Variants in NCALD observed in about 807,000 individuals in gnomAD.
The protein encoded by NCALD is neurocalcin-delta.
NCALD carries 10 observed loss-of-function variants against 18.6 expected under a neutral mutation model. The ratio of observed to expected loss-of-function variants is 0.54; its 90% CI spans 0.33 to 0.91. The LOEUF (loss-of-function observed/expected upper bound fraction) is 0.91. Ranked by LOEUF, NCALD falls within the 40% of genes least tolerant of loss-of-function variation. NCALD has a pLI of 0.03. For synonymous variants in NCALD, 88 were observed against 87.4 expected, an observed-to-expected ratio of 1.01 and a Z score of -0.04; for missense variants, 184 against 247.6, an observed-to-expected ratio of 0.74 and a Z score of 1.72.
At position 101,790,843 on chromosome 8, in the gene NCALD, TATAAAGCA is replaced by T. The variant is rs1812417399; in HGVS notation, c.-20+11_-20+18del. ...GCTATAAAAACATCTAACTATTGTATATAAAGCAAACTAATTACCTCACTCAGAAGAAG... is the reference window on the plus strand; with the variant it reads ...GCTATAAAAACATCTAACTATTGTATAACTAATTACCTCACTCAGAAGAAG... On this transcript the variant is annotated intron_variant, in intron 1 of 3. Transcript: ENST00000220931. 1 of 152,210 alleles carries T rather than the reference TATAAAGCA, an allele frequency of 6.6e-6. No homozygotes were observed. Among genetic ancestry groups the T allele is most frequent in the Non-Finnish European group, 1.5e-5 (1 of 68,042 alleles). The allele number at this position is 152,210 out of a possible 1,614,324, so 9.4% of individuals were successfully genotyped here. A position where few individuals can be genotyped will look rare whatever the true frequency, so the allele number is the denominator to read the frequency against.
chr8:101,823,943 G>A (rs896561071), intron 4 of NCALD, among the ~76,000 whole-genome samples: 1 of 152,158 alleles, frequency 6.6e-6, no homozygotes, highest in East Asian at 1.9e-4. Context: ...TGACCTACAT[G>A]GGGACAGTTA....
chr8:101,740,598 A>G (rs1246384632), intron 1 of NCALD, among the ~76,000 whole-genome samples: 2 of 152,238 alleles, frequency 1.3e-5, no homozygotes, highest in African/African-American at 4.8e-5. Flanking sequence ...GCTATTTACT[A>G]TCTGGTTACT....
At chr8:101,912,537 G>C (rs1160765875) in intron 3 of NCALD, among the ~76,000 whole-genome samples, 1 of 152,222 alleles carries the variant, frequency 6.6e-6, no homozygotes, top group Non-Finnish European at 1.5e-5. Context: ...GTATTTAGGA[G>C]TATTTTTTAA....
intron 1 of NCALD, among the ~76,000 whole-genome samples, chr8:101,723,824 C>A (rs1171107111): frequency 2.6e-5 from 4 of 152,088 alleles, no homozygotes; most frequent in Non-Finnish European, 4.4e-5. Flanking sequence ...ATCTTAGGGG[C>A]CTTACCATAT....
intron 1 of NCALD, among the ~76,000 whole-genome samples, chr8:102,037,671 A>G (rs1396787065): frequency 2.0e-5 from 3 of 151,954 alleles, no homozygotes; most frequent in Non-Finnish European, 4.4e-5. Context: ...CATATATTAC[A>G]CTTACAATAA....
chr8:102,071,856 C>G (rs992178795), intron 1 of NCALD, among the ~76,000 whole-genome samples: 2 of 152,066 alleles, frequency 1.3e-5, no homozygotes, highest in African/African-American at 4.8e-5. Context: ...ACATAAATGG[C>G]AAGATATACA....
At chr8:102,066,870 T>C (rs1001268090) in intron 1 of NCALD, among the ~76,000 whole-genome samples, 6 of 152,196 alleles carry the variant, frequency 3.9e-5, no homozygotes, top group Admixed American at 2.6e-4. Flanking sequence ...TGGCCTGACG[T>C]TGTCCTTGAT....
At chr8:102,063,307 C>T (rs1465757012) in intron 1 of NCALD, among the ~76,000 whole-genome samples, 1 of 152,162 alleles carries the variant, frequency 6.6e-6, no homozygotes, top group Non-Finnish European at 1.5e-5. Context: ...CTAAAAACAG[C>T]ACTCTGTGAT....
chr8:101,938,234 A>G (rs898486168), intron 2 of NCALD, among the ~76,000 whole-genome samples: 1 of 152,242 alleles, frequency 6.6e-6, no homozygotes, highest in Non-Finnish European at 1.5e-5. Flanking sequence ...GGTTGTAATG[A>G]TAAATCACCA....
chr8:101,835,309 C>G (rs905546745), intron 4 of NCALD, among the ~76,000 whole-genome samples: 26 of 152,350 alleles, frequency 1.7e-4, no homozygotes, highest in Middle Eastern at 3.4e-3. Flanking sequence ...TAGTTCTCAA[C>G]CAGGGGTCAT....
intron 2 of NCALD, among the ~76,000 whole-genome samples, chr8:101,981,102 T>A (rs1199917271): frequency 6.6e-6 from 1 of 152,260 alleles, no homozygotes; most frequent in Non-Finnish European, 1.5e-5. Context: ...TCATGGGTTT[T>A]ATCTCTGCAA....
intron 3 of NCALD, among the ~76,000 whole-genome samples, chr8:101,897,421 A>T (rs1342777144): frequency 1.6e-4 from 24 of 147,736 alleles, no homozygotes; most frequent in African/African-American, 4.8e-4. Flanking sequence ...ATGCTAGATG[A>T]CGAGTTAGTG....
chr8:101,766,343 A>T (rs2130866077), intron 1 of NCALD, among the ~76,000 whole-genome samples: 1 of 142,186 alleles, frequency 7.0e-6, no homozygotes, highest in African/African-American at 2.7e-5. Context: ...CATTGAAAAC[A>T]AATTCGCCAG....
intron 1 of NCALD, among the ~76,000 whole-genome samples, chr8:102,081,559 A>C (rs1327395379): frequency 1.2e-4 from 15 of 121,944 alleles, no homozygotes; most frequent in South Asian, 8.9e-4. Flanking sequence ...AAAAAAAAAA[A>C]AAAAAAAAAA....
chr8:101,946,172 T>G (rs1000119674), intron 2 of NCALD, among the ~76,000 whole-genome samples: 36 of 152,304 alleles, frequency 2.4e-4, no homozygotes, highest in Admixed American at 2.3e-3. Flanking sequence ...CATGAATTTT[T>G]GGGGGTCTTA....
At chr8:101,935,376 GTTGAGT>G (rs1314284464) in intron 2 of NCALD, among the ~76,000 whole-genome samples, 1 of 152,184 alleles carries the variant, frequency 6.6e-6, no homozygotes, top group African/African-American at 2.4e-5. Flanking sequence ...GAAAATGAAA[GTTGAGT>G]TTAAGTAAGA....
chr8:101,701,528 T>G (rs1237539757), intron 2 of NCALD, among the ~76,000 whole-genome samples: 1 of 152,188 alleles, frequency 6.6e-6, no homozygotes, highest in African/African-American at 2.4e-5. Flanking sequence ...CCTATCAGCT[T>G]CCTTGTGGTC....
At chr8:102,095,089 C>T (rs1466908138) in intron 1 of NCALD, among the ~76,000 whole-genome samples, 1 of 152,212 alleles carries the variant, frequency 6.6e-6, no homozygotes, top group Non-Finnish European at 1.5e-5. Flanking sequence ...TGGACTTCAG[C>T]CTGCCTTGGC....
chr8:101,738,775 C>A (rs1003806307), intron 1 of NCALD, among the ~76,000 whole-genome samples: 2 of 152,128 alleles, frequency 1.3e-5, no homozygotes, highest in Non-Finnish European at 2.9e-5. Flanking sequence ...CTTCTCTGTG[C>A]ATCAGTTTCC....
Sources: gnomAD v4.1 joint callset for allele counts (sites outside exome capture counted in the v4.1 genomes callset) on GRCh38, gnomAD v4.1.1 for gene constraint, MANE v1.5 for transcripts, NCBI Gene and HGNC (gene_info 2026-07-23, HGNC 2026-07-21) for gene names.